The following KCNH1 variants were observed in gnomAD, a reference collection of about 807,000 sequenced individuals.
The protein encoded by KCNH1 is potassium voltage-gated channel subfamily H member 1, also known as voltage-gated delayed rectifier potassium channel KCNH1.
A neutral mutation model predicts 69.2 loss-of-function variants in KCNH1; 27 were observed. The ratio of observed to expected loss-of-function variants is 0.39; its 90% CI spans 0.29 to 0.54. The LOEUF (loss-of-function observed/expected upper bound fraction) is 0.54, where lower values mean the gene tolerates loss of function less well. Among genes scored for constraint, KCNH1 ranks in the 20% least tolerant of loss-of-function variants. The pLI, the probability that KCNH1 is intolerant of heterozygous loss-of-function variation, is 0.68. For missense variants in KCNH1, 798 were observed against 1,261.6 expected, an observed-to-expected ratio of 0.63 and a Z score of 5.57; for synonymous variants, 456 against 487.7, an observed-to-expected ratio of 0.93 and a Z score of 0.86.
In KCNH1 at chr1:210,683,695, C is replaced by T. The variant is rs777645833; in HGVS notation, c.2556G>A (p.Lys852=). 6.2e-6 allele frequency: 10 copies of T among 1,614,096 alleles called. No homozygotes were observed. The Admixed American group carries it at 1.2e-4, about 19-fold the overall frequency. Residue 852 remains lysine (K), a synonymous_variant, in exon 11 of 11, where the codon AAG becomes AAA. Transcript: ENST00000271751. This position sits in a 1 kb window ranked among gnomAD's most constrained non-coding sequence, Gnocchi z 5.7. ...DACGKSEDWN[K]VSKAESMETL... ...TCTCCATCGACTCAGCCTTGGACAC[C>T]TTGTTCCAGTCCTCACTCTTCCCGC...
chr1:211,045,185 A>C (rs1359347694), intron 5 of KCNH1, among the ~76,000 whole-genome samples: 1 of 151,722 alleles, frequency 6.6e-6, no homozygotes, highest in African/African-American at 2.4e-5. Context: ...CAAACATTGT[A>C]TGCTCTCACT....
At chr1:211,066,985 T>C (rs1209694194) in intron 5 of KCNH1, among the ~76,000 whole-genome samples, 1 of 149,530 alleles carries the variant, frequency 6.7e-6, no homozygotes, top group African/African-American at 2.4e-5. Context: ...GATTACATCT[T>C]GACCTGGCTT....
chr1:211,012,630 T>C (rs1689414376), intron 6 of KCNH1, among the ~76,000 whole-genome samples: 1 of 152,178 alleles, frequency 6.6e-6, no homozygotes, highest in South Asian at 2.1e-4. Flanking sequence ...GGTAGGGGGA[T>C]GAATACGTGG....
rs74507039 is a variant in KCNH1, at chr1:210,804,736, C to A, written c.1463-570G>T. On this transcript the variant is annotated intron_variant, in intron 7 of 10. Coordinates refer to ENST00000271751, the MANE Select transcript of KCNH1 (RefSeq NM_172362.3). ...GAATGACAGACCTTGAATAAATAATCACAAATAAATAAATAATAGCAAGTC... is the reference window on the plus strand; with the variant it reads ...GAATGACAGACCTTGAATAAATAATAACAAATAAATAAATAATAGCAAGTC... 2.4e-4 allele frequency among the ~76,000 whole-genome samples: 37 copies of A among 152,254 alleles called. No homozygotes were observed. In the East Asian group the frequency reaches 4.8e-3, roughly 20 times the overall value.
chr1:210,840,481 G>A (rs1027058628), intron 7 of KCNH1, among the ~76,000 whole-genome samples: 2 of 152,154 alleles, frequency 1.3e-5, no homozygotes, highest in African/African-American at 4.8e-5. Flanking sequence ...ACATGCCTGC[G>A]GCAGGCAGGA....
chr1:210,820,206 A>G (rs1277182289), intron 7 of KCNH1, among the ~76,000 whole-genome samples: 1 of 152,244 alleles, frequency 6.6e-6, no homozygotes, highest in African/African-American at 2.4e-5. Context: ...TAACTTGAGA[A>G]CTAATTTGAG....
intron 10 of KCNH1, among the ~76,000 whole-genome samples, chr1:210,701,606 T>C (rs1447239530): frequency 2.0e-5 from 3 of 152,184 alleles, no homozygotes; most frequent in African/African-American, 4.8e-5. Flanking sequence ...AACCCCTTCT[T>C]TTCCCTGAAG....
intron 1 of KCNH1, among the ~76,000 whole-genome samples, chr1:211,127,375 G>T (rs73075422): frequency 0.016 from 2,343 of 147,726 alleles, 58 homozygotes; most frequent in African/African-American, 0.055. Flanking sequence ...TGTCCCCAGG[G>T]TTTACTGCTT....
At chr1:210,950,375 C>CA (rs1688042639) in intron 6 of KCNH1, among the ~76,000 whole-genome samples, 1 of 84,624 alleles carries the variant, frequency 1.2e-5, no homozygotes, top group African/African-American at 4.5e-5. Context: ...CCCCCTCCCC[C>CA]ACCCCACAAC....
chr1:210,982,801 G>A (rs1157897831), intron 6 of KCNH1, among the ~76,000 whole-genome samples: 1 of 152,086 alleles, frequency 6.6e-6, no homozygotes, highest in Non-Finnish European at 1.5e-5. Context: ...GGGATGGCTG[G>A]GTCAAATGGT....
intron 9 of KCNH1, among the ~76,000 whole-genome samples, chr1:210,784,616 C>T (rs1037302375): frequency 4.6e-5 from 7 of 152,174 alleles, no homozygotes; most frequent in African/African-American, 7.2e-5. Context: ...TTTCACTCTA[C>T]TTCTCTAAAG....
intron 10 of KCNH1, among the ~76,000 whole-genome samples, chr1:210,739,970 G>C (rs1276412791): frequency 6.6e-6 from 1 of 151,898 alleles, no homozygotes; most frequent in East Asian, 1.9e-4. Context: ...AAGATACCAG[G>C]GGGGGAAAAA....
rs1033564321 is a variant in KCNH1 at position 211,133,789 on chromosome 1, G to C, written c.79+78C>G. 7.4e-7 allele frequency: 1 copy of C among 1,351,496 alleles called. No individual in the cohort carries two copies. Among genetic ancestry groups the C allele is most frequent in the African/African-American group, 1.5e-5 (1 of 68,620 alleles). 83.7% of individuals were successfully genotyped at this position (1,351,496 alleles called of 1,614,324 possible). ...CTCGCGGGTTCTGCTGCATCTGCTGGCTCCGAGCGGCGAGAGGTTCTGCAA... is the reference window on the plus strand; with the variant it reads ...CTCGCGGGTTCTGCTGCATCTGCTGCCTCCGAGCGGCGAGAGGTTCTGCAA... On this transcript the variant is annotated intron_variant, in intron 1 of 10. Coordinates refer to ENST00000271751, the MANE Select transcript of KCNH1 (RefSeq NM_172362.3). The surrounding 1 kb of genome is among the most constrained non-coding windows in gnomAD (Gnocchi z 5.4).
chr1:210,862,082 G>A (rs1685991474), intron 7 of KCNH1: 3 of 862,294 alleles, frequency 3.5e-6, no homozygotes, highest in Non-Finnish European at 6.1e-6. Flanking sequence ...TCTTGACCAG[G>A]CCAATACTGT....
At chr1:211,129,086 C>T (rs1691832540) in intron 1 of KCNH1, among the ~76,000 whole-genome samples, 1 of 152,070 alleles carries the variant, frequency 6.6e-6, no homozygotes, top group Non-Finnish European at 1.5e-5. Flanking sequence ...TATAGCATGT[C>T]CCCCCAGAAC....
intron 7 of KCNH1, among the ~76,000 whole-genome samples, chr1:210,875,813 A>T (rs1196489859): frequency 4.6e-5 from 7 of 152,102 alleles, no homozygotes; most frequent in Non-Finnish European, 8.8e-5. Flanking sequence ...AAAAAAAAAA[A>T]AAAATAAATC....
chr1:210,876,431 T>C lies in KCNH1; in HGVS notation c.1462+43209A>G, dbSNP rs556232672. On this transcript the variant is annotated intron_variant, in intron 7 of 10. Coordinates refer to ENST00000271751, the MANE Select transcript of KCNH1 (RefSeq NM_172362.3). ...ACAGCCACTCATTGGAATTTGCTTG[T>C]TTAACAGTAGGAAAATTTCTTCTTC... Among the ~76,000 whole-genome samples, 18 of 152,250 alleles carry C rather than the reference T, an allele frequency of 1.2e-4. No individual in the cohort carries two copies. The South Asian group carries it at 3.7e-3, about 32-fold the overall frequency.
At chr1:210,756,656 T>TA (rs1683406683) in intron 10 of KCNH1, among the ~76,000 whole-genome samples, 1 of 152,166 alleles carries the variant, frequency 6.6e-6, no homozygotes, top group Non-Finnish European at 1.5e-5. Flanking sequence ...TGGGACTCTA[T>TA]AACATTGCCT....
At chr1:210,972,701 G>A (rs1467177270) in intron 6 of KCNH1, among the ~76,000 whole-genome samples, 1 of 152,000 alleles carries the variant, frequency 6.6e-6, no homozygotes, top group East Asian at 1.9e-4. Context: ...TGCTTCACTG[G>A]AAAAAGTCTA....
Sources: allele counts gnomAD v4.1 joint callset (sites outside exome capture counted in the v4.1 genomes callset), GRCh38; gene constraint gnomAD v4.1.1; non-coding constraint Gnocchi (gnomAD v3.1); transcripts MANE v1.5; gene names NCBI Gene and HGNC (gene_info 2026-07-23, HGNC 2026-07-21).